The following UNC5D variants were observed in gnomAD, a reference collection of about 807,000 sequenced individuals.
UNC5D encodes the protein unc-5 netrin receptor D, also known as netrin receptor UNC5D.
A neutral mutation model predicts 105.4 loss-of-function variants in UNC5D; 39 were observed. The observed-to-expected ratio is 0.37, with a 90% CI of 0.29 to 0.48. The LOEUF (loss-of-function observed/expected upper bound fraction) is 0.48, where lower values mean the gene tolerates loss of function less well. UNC5D is among the 20% of genes least tolerant of loss of function. The pLI is 0.98. For synonymous variants in UNC5D, 452 were observed against 450.4 expected (o/e 1.00, Z -0.04); for missense variants, 991 against 1,202.4 (o/e 0.82, Z 2.60).
At chr8:35,315,957 G>A (rs1809271301) in intron 1 of UNC5D, among the ~76,000 whole-genome samples, 1 of 152,138 alleles carries the variant, frequency 6.6e-6, no homozygotes, top group Admixed American at 6.6e-5. Context: ...GCATTGGAGA[G>A]CCATTGAAAA....
intron 1 of UNC5D, among the ~76,000 whole-genome samples, chr8:35,245,106 C>T (rs1803010437): frequency 6.6e-6 from 1 of 151,974 alleles, no homozygotes; most frequent in Non-Finnish European, 1.5e-5. Context: ...TTCTAAATAC[C>T]TCGTCTTTAT....
At chr8:35,648,432 A>C (rs1823190107) in intron 4 of UNC5D, among the ~76,000 whole-genome samples, 1 of 152,076 alleles carries the variant, frequency 6.6e-6, no homozygotes, top group African/African-American at 2.4e-5. Flanking sequence ...TAATCCCAGC[A>C]CTTTGGGAGG....
chr8:35,600,337 G>C (rs960346741), intron 4 of UNC5D, among the ~76,000 whole-genome samples: 3 of 152,108 alleles, frequency 2.0e-5, no homozygotes, highest in Admixed American at 6.6e-5. Context: ...ATGGCTGGTT[G>C]AAATGGTATT....
At chr8:35,768,686 TAATA>T (rs1801880682) in intron 15 of UNC5D, among the ~76,000 whole-genome samples, 1 of 152,220 alleles carries the variant, frequency 6.6e-6, no homozygotes, top group Admixed American at 6.5e-5. Context: ...GCTCCTTGCT[TAATA>T]AATTCTTAAA....
chr8:35,750,476 G>GAA (rs111565377), intron 12 of UNC5D, 106 bp from the exon 13 acceptor site: 4 of 1,234,032 alleles, frequency 3.2e-6, no homozygotes, highest in African/African-American at 3.0e-5. Flanking sequence ...GGACTATTCT[G>GAA]AAAACAAATT....
At chr8:35,377,029 TTTAC>T (rs1213894070) in intron 1 of UNC5D, among the ~76,000 whole-genome samples, 1 of 152,212 alleles carries the variant, frequency 6.6e-6, no homozygotes, top group Non-Finnish European at 1.5e-5. Context: ...GCATATTTAA[TTTAC>T]GTATGTGTTG....
At chr8:35,773,922 C>A (rs949518453) in intron 15 of UNC5D, among the ~76,000 whole-genome samples, 1 of 152,088 alleles carries the variant, frequency 6.6e-6, no homozygotes. Flanking sequence ...TGGGGTTTCA[C>A]CCTGTTGGCG....
intron 1 of UNC5D, among the ~76,000 whole-genome samples, chr8:35,350,101 T>C (rs1224881329): frequency 2.0e-5 from 3 of 152,004 alleles, no homozygotes; most frequent in Non-Finnish European, 4.4e-5. Flanking sequence ...GAAAGAGTCT[T>C]GGGAACCCCC....
intron 8 of UNC5D, among the ~76,000 whole-genome samples, chr8:35,714,321 A>G (rs1828127924): frequency 6.6e-6 from 1 of 152,232 alleles, no homozygotes; most frequent in Non-Finnish European, 1.5e-5. Context: ...TGTAAATCAG[A>G]TGACAAATGT....
chr8:35,326,811 G>C (rs940376557), intron 1 of UNC5D, among the ~76,000 whole-genome samples: 1 of 151,972 alleles, frequency 6.6e-6, no homozygotes, highest in African/African-American at 2.4e-5. Flanking sequence ...AGCACCATGA[G>C]AAAACTGATA....
intron 1 of UNC5D, among the ~76,000 whole-genome samples, chr8:35,532,271 GTCTGTGA>G (rs1814446481): frequency 6.6e-6 from 1 of 151,578 alleles, no homozygotes; most frequent in East Asian, 1.9e-4. Flanking sequence ...GCATTTGCTT[GTCTGTGA>G]AGTATTTTAT....
At chr8:35,332,475 A>G (rs148450277) in intron 1 of UNC5D, among the ~76,000 whole-genome samples, 209 of 152,338 alleles carry the variant, frequency 1.4e-3, no homozygotes, top group African/African-American at 4.9e-3. Flanking sequence ...TTGAAAATGA[A>G]AAGATTTCAT....
chr8:35,476,372 A>G (rs1305559217), intron 1 of UNC5D, among the ~76,000 whole-genome samples: 4 of 152,226 alleles, frequency 2.6e-5, no homozygotes, highest in Non-Finnish European at 4.4e-5. Context: ...CCATTCATCT[A>G]GCTATAAAGA....
At chr8:35,330,817 C>T (rs752047789) in intron 1 of UNC5D, among the ~76,000 whole-genome samples, 2 of 152,108 alleles carry the variant, frequency 1.3e-5, no homozygotes, top group African/African-American at 4.8e-5. Context: ...CTTTGGCTTT[C>T]GAGTGTATTC....
intron 1 of UNC5D, among the ~76,000 whole-genome samples, chr8:35,427,626 T>C (rs1274784392): frequency 6.6e-6 from 1 of 152,184 alleles, no homozygotes; most frequent in Non-Finnish European, 1.5e-5. Context: ...GAAGAAGTTG[T>C]TTATCACAGA....
intron 4 of UNC5D, among the ~76,000 whole-genome samples, chr8:35,635,449 G>A (rs1822309055): frequency 6.6e-6 from 1 of 152,116 alleles, no homozygotes; most frequent in Non-Finnish European, 1.5e-5. Flanking sequence ...CACCTATCCA[G>A]GAAACCAGCT....
intron 2 of UNC5D, among the ~76,000 whole-genome samples, chr8:35,553,283 C>G (rs1384862850): frequency 6.6e-6 from 1 of 151,878 alleles, no homozygotes; most frequent in African/African-American, 2.4e-5. Flanking sequence ...CTAGGCAACT[C>G]CATGTCATGT....
chr8:35,340,529 G>A (rs1009013707), intron 1 of UNC5D, among the ~76,000 whole-genome samples: 1 of 152,156 alleles, frequency 6.6e-6, no homozygotes, highest in African/African-American at 2.4e-5. Flanking sequence ...AGTATCTCTG[G>A]TTAAAGGGAA....
At chr8:35,264,729 C>CAAAAAAAAAA (rs6150548) in intron 1 of UNC5D, among the ~76,000 whole-genome samples, 4 of 142,560 alleles carry the variant, frequency 2.8e-5, no homozygotes, top group Non-Finnish European at 3.0e-5. Flanking sequence ...GACTCTGTCT[C>CAAAAAAAAAA]AAAAAAAAAA....
Sources: allele counts gnomAD v4.1 joint callset (sites outside exome capture counted in the v4.1 genomes callset), GRCh38; gene constraint gnomAD v4.1.1; transcripts MANE v1.5; gene names NCBI Gene and HGNC (gene_info 2026-07-23, HGNC 2026-07-21).